PCDHGB6: variants seen among roughly 807,000 people sequenced by gnomAD.
The protein encoded by PCDHGB6 is protocadherin gamma-B6.
Under a neutral mutation model 59.1 loss-of-function variants are expected in PCDHGB6, and 51 were observed. The ratio of observed to expected loss-of-function variants is 0.86; its 90% CI spans 0.69 to 1.09. PCDHGB6 has a LOEUF of 1.09. Ranked by LOEUF, PCDHGB6 falls within the 50% of genes least tolerant of loss-of-function variation. The pLI is 0.00. For missense variants in PCDHGB6, 1,148 were observed against 1,205.1 expected (o/e 0.95, Z 0.70); for synonymous variants, 466 against 495.1 (o/e 0.94, Z 0.78).
In PCDHGB6 at chr5:141,485,132, T is replaced by C. The variant is rs1020670896; in HGVS notation, c.2419-9675T>C. On this transcript the variant is annotated intron_variant, in intron 1 of 3. Transcript: ENST00000520790. This position sits in a 1 kb window ranked among gnomAD's most constrained non-coding sequence, Gnocchi z 5.7. ...GGCTGTTTGGGGCGGGTCGGCTTCATCCGCGTCTCAGGAGCAAGTAGAGAA... is the reference window on the plus strand; with the variant it reads ...GGCTGTTTGGGGCGGGTCGGCTTCACCCGCGTCTCAGGAGCAAGTAGAGAA... 8.1e-6 allele frequency: 12 copies of C among 1,489,136 alleles called. No individual in the cohort carries two copies. Among genetic ancestry groups the C allele is most frequent in the East Asian group, 2.3e-5 (1 of 44,214 alleles). The allele number at this position is 1,489,136 out of a possible 1,614,324, so 92.2% of individuals were successfully genotyped here.
chr5:141,423,358 G>T (rs202010010), intron 1 of PCDHGB6: 1 of 1,614,196 alleles, frequency 6.2e-7, no homozygotes, highest in South Asian at 1.1e-5. Flanking sequence ...CTTTGTCATC[G>T]TGCTGCTGGC....
At chr5:141,427,401 G>A (rs2097022075) in intron 1 of PCDHGB6, 1 of 461,400 alleles carries the variant, frequency 2.2e-6, no homozygotes, top group Non-Finnish European at 4.3e-6. Flanking sequence ...ACATGATAAA[G>A]ATTCGAGAGA....
chr5:141,441,126 C>A (rs1319809408), intron 1 of PCDHGB6: 2 of 152,062 alleles, frequency 1.3e-5, no homozygotes, highest in Admixed American at 1.3e-4. Context: ...CAGTTGAGAC[C>A]GAATTTCTAG....
At chr5:141,451,077 C>T (rs1422196268) in intron 1 of PCDHGB6, among the ~76,000 whole-genome samples, 1 of 152,098 alleles carries the variant, frequency 6.6e-6, no homozygotes, top group Admixed American at 6.6e-5. Context: ...ATCCACCCAC[C>T]TTGACCTCCC....
At chr5:141,478,177 A>G (rs769503109) in intron 1 of PCDHGB6, 1 of 1,613,988 alleles carries the variant, frequency 6.2e-7, no homozygotes, top group South Asian at 1.1e-5. Context: ...GGGAGCAGAA[A>G]AAAAATCTCA....
chr5:141,511,293 G>A lies in PCDHGB6; in HGVS notation c.*120G>A, dbSNP rs1028501355. On this transcript the variant is annotated 3_prime_UTR_variant, in exon 4 of 4. Coordinates refer to ENST00000520790, the MANE Select transcript of PCDHGB6 (RefSeq NM_018926.3). ...CCCCAGAATACTGGTAGGGGCCAAG[G>A]CCATGCTCCCCTTGGGAAACAGAAA... The A allele has an allele frequency of 3.3e-6, 5 of 1,509,316 alleles. No individual in the cohort carries two copies. In the African/African-American group the frequency reaches 5.6e-5, roughly 17 times the overall value. The allele number at this position is 1,509,316 out of a possible 1,614,324, so 93.5% of individuals were successfully genotyped here.
intron 1 of PCDHGB6, among the ~76,000 whole-genome samples, chr5:141,469,967 C>G (rs2099217411): frequency 6.6e-6 from 1 of 152,124 alleles, no homozygotes; most frequent in Admixed American, 6.6e-5. Flanking sequence ...CCCATCTGTA[C>G]CAAAAATACA....
In PCDHGB6 at chr5:141,512,088, A is replaced by G. The variant is rs192947391; in HGVS notation, c.*915A>G. 2.6e-5 allele frequency: 4 copies of G among 152,772 alleles called. No individual in the cohort carries two copies. Among genetic ancestry groups the G allele is most frequent in the Admixed American group, 6.5e-5 (1 of 15,306 alleles). 9.5% of individuals were successfully genotyped at this position (152,772 alleles called of 1,614,324 possible). On this transcript the variant is annotated 3_prime_UTR_variant, in exon 4 of 4. Transcript: ENST00000520790. ...TCCTCCAGATTCCAGCCATAAACCAATAACTAGGCTGGACCCTTCCCACTA... is the reference window on the plus strand; with the variant it reads ...TCCTCCAGATTCCAGCCATAAACCAGTAACTAGGCTGGACCCTTCCCACTA...
chr5:141,499,565 C>T (rs1291006795), intron 2 of PCDHGB6, among the ~76,000 whole-genome samples: 1 of 152,168 alleles, frequency 6.6e-6, no homozygotes, highest in East Asian at 1.9e-4. Flanking sequence ...CACTATCCAG[C>T]TTCAACTAAT....
chr5:141,417,768 C>A lies in PCDHGB6; in HGVS notation c.2418+7148C>A, dbSNP rs1444250512. On this transcript the variant is annotated intron_variant, in intron 1 of 3. Coordinates refer to ENST00000520790, the MANE Select transcript of PCDHGB6 (RefSeq NM_018926.3). ...ATTGCCAGCTCCGAGACCCGGGACT[C>A]CTCCTGTCCTGGGCCGAATGCTCTT... is the stretch of plus-strand genomic sequence containing the variant. 1.3e-5 allele frequency: 19 copies of A among 1,451,358 alleles called. No individual in the cohort carries two copies. In the South Asian group the frequency reaches 1.7e-4, roughly 13 times the overall value. The allele number at this position is 1,451,358 out of a possible 1,614,324, so 89.9% of individuals were successfully genotyped here. A position where few individuals can be genotyped will look rare whatever the true frequency, so the allele number is the denominator to read the frequency against.
rs2099695548 is a variant in PCDHGB6, at chr5:141,490,059, C to T, written c.2419-4748C>T. On this transcript the variant is annotated intron_variant, in intron 1 of 3. Coordinates refer to ENST00000520790, the MANE Select transcript of PCDHGB6 (RefSeq NM_018926.3). The surrounding 1 kb of genome is among the most constrained non-coding windows in gnomAD (Gnocchi z 5.4). ...ATGCCACTGATCCAGACGAGGGCAC[C>T]AACGGCCAACTAGACTATTCTTTTG... 1.2e-6 allele frequency: 2 copies of T among 1,614,242 alleles called. No individual in the cohort carries two copies. The highest frequency in any genetic ancestry group is 1.7e-6 in the Non-Finnish European group (2 of 1,180,030).
At chr5:141,425,987 G>A (rs1304785231) in intron 1 of PCDHGB6, among the ~76,000 whole-genome samples, 1 of 152,188 alleles carries the variant, frequency 6.6e-6, no homozygotes, top group Non-Finnish European at 1.5e-5. Flanking sequence ...GAATCCCATT[G>A]AATTAGCAAA....
In PCDHGB6 at chr5:141,485,013, C is replaced by A. The variant is rs551059588; in HGVS notation, c.2419-9794C>A. ...GTGAAAGGCAGACAAATCTACCCCG[C>A]CACCAGCAAAAACGGCGCGTAACCC... On this transcript the variant is annotated intron_variant, in intron 1 of 3. Coordinates refer to ENST00000520790, the MANE Select transcript of PCDHGB6 (RefSeq NM_018926.3). This position sits in a 1 kb window ranked among gnomAD's most constrained non-coding sequence, Gnocchi z 5.7. The A allele has an allele frequency of 6.3e-6, 4 of 634,556 alleles. No homozygotes were observed. Among genetic ancestry groups the A allele is most frequent in the South Asian group, 3.9e-5 (2 of 51,594 alleles). The allele number at this position is 634,556 out of a possible 1,614,324, so 39.3% of individuals were successfully genotyped here. A position where few individuals can be genotyped will look rare whatever the true frequency, so the allele number is the denominator to read the frequency against.
chr5:141,497,573 T>C (rs1231425210), intron 2 of PCDHGB6, among the ~76,000 whole-genome samples: 1 of 149,502 alleles, frequency 6.7e-6, no homozygotes, highest in South Asian at 2.1e-4. Context: ...AGAGTCTTGC[T>C]CTGTTGCCCA....
rs1399844519 is a variant in PCDHGB6 at position 141,477,484 on chromosome 5, A to G, written c.2419-17323A>G. 1.2e-6 allele frequency: 2 copies of G among 1,614,014 alleles called. No homozygotes were observed. The highest frequency in any genetic ancestry group is 1.7e-6 in the Non-Finnish European group (2 of 1,180,006). ...CCGACATCAATGACAACCCTCCACAATCTTCTCAATCTTCCTACGACGTTT... is the reference window on the plus strand; with the variant it reads ...CCGACATCAATGACAACCCTCCACAGTCTTCTCAATCTTCCTACGACGTTT... On this transcript the variant is annotated intron_variant, in intron 1 of 3. Coordinates refer to ENST00000520790, the MANE Select transcript of PCDHGB6 (RefSeq NM_018926.3). This position sits in a 1 kb window ranked among gnomAD's most constrained non-coding sequence, Gnocchi z 4.9.
intron 1 of PCDHGB6, chr5:141,415,314 C>G (rs375384840): frequency 1.9e-6 from 3 of 1,614,238 alleles, no homozygotes; most frequent in South Asian, 1.1e-5. Context: ...CCTTCGTCAT[C>G]GTGCTGCTGG....
At chr5:141,430,771 G>A (rs772862341) in intron 1 of PCDHGB6, 37 of 1,506,734 alleles carry the variant, frequency 2.5e-5, no homozygotes, top group Non-Finnish European at 2.7e-5. Flanking sequence ...TGATTCCTGC[G>A]CGACTGCACC....
At chr5:141,484,425 A>G (rs2099596309) in intron 1 of PCDHGB6, among the ~76,000 whole-genome samples, 3 of 152,192 alleles carry the variant, frequency 2.0e-5, no homozygotes, top group African/African-American at 7.2e-5. Flanking sequence ...TACAATGAGA[A>G]CATGTACTGC....
intron 3 of PCDHGB6, among the ~76,000 whole-genome samples, chr5:141,506,598 G>A (rs1056005258): frequency 6.6e-6 from 1 of 152,130 alleles, no homozygotes; most frequent in Non-Finnish European, 1.5e-5. Context: ...CAGTATTAAC[G>A]GATCTCATTG....
Sources: allele counts gnomAD v4.1 joint callset (sites outside exome capture counted in the v4.1 genomes callset), GRCh38; gene constraint gnomAD v4.1.1; non-coding constraint Gnocchi (gnomAD v3.1); transcripts MANE v1.5; gene names NCBI Gene and HGNC (gene_info 2026-07-23, HGNC 2026-07-21).